Variants in PARP8 observed in about 807,000 individuals in gnomAD.
The protein encoded by PARP8 is protein mono-ADP-ribosyltransferase PARP8.
In PARP8, 51 loss-of-function variants were observed where a neutral mutation model predicts 124.1. The ratio of observed to expected loss-of-function variants is 0.41; its 90% CI spans 0.33 to 0.52. The LOEUF (loss-of-function observed/expected upper bound fraction) is 0.52. Among genes scored for constraint, PARP8 ranks in the 20% least tolerant of loss-of-function variants. PARP8 has a pLI of 0.21. For missense variants in PARP8, 860 were observed against 1,018.9 expected (o/e 0.84, Z 2.12); for synonymous variants, 391 against 361.5 (o/e 1.08, Z -0.93).
At chr5:50,760,423 G>T in intron 5 of PARP8, 61 bp downstream of exon 5, 2 of 1,219,484 alleles carry the variant, frequency 1.6e-6, no homozygotes, top group Non-Finnish European at 1.1e-6. Flanking sequence ...AATTTACTGG[G>T]TTTTTGTAGT....
At chr5:50,689,955 C>G (rs1361453087) in intron 2 of PARP8, among the ~76,000 whole-genome samples, 1 of 152,216 alleles carries the variant, frequency 6.6e-6, no homozygotes, top group East Asian at 1.9e-4. Flanking sequence ...ATTCTTGGTT[C>G]CTACTCAACA....
intron 14 of PARP8, among the ~76,000 whole-genome samples, chr5:50,811,601 T>C (rs943991090): frequency 1.3e-5 from 2 of 152,180 alleles, no homozygotes; most frequent in Non-Finnish European, 2.9e-5. Context: ...GGGTGTTTTT[T>C]TTTTATTCTT....
chr5:50,684,996 C>T (rs1579947042), intron 2 of PARP8, among the ~76,000 whole-genome samples: 1 of 152,238 alleles, frequency 6.6e-6, no homozygotes, highest in Non-Finnish European at 1.5e-5. Flanking sequence ...GACTACTTCA[C>T]TGTAAAGCTC....
At chr5:50,836,541 T>C (rs1305051644) in intron 25 of PARP8, among the ~76,000 whole-genome samples, 1 of 56,416 alleles carries the variant, frequency 1.8e-5, no homozygotes, top group East Asian at 5.4e-4. Flanking sequence ...GGAAGCCCCA[T>C]TGGCCAAAGC....
intron 2 of PARP8, among the ~76,000 whole-genome samples, chr5:50,747,167 T>G (rs1323185859): frequency 7.0e-6 from 1 of 143,252 alleles, no homozygotes; most frequent in East Asian, 2.0e-4. Flanking sequence ...TGTTTTGTTT[T>G]TTTTTTTTTT....
intron 2 of PARP8, among the ~76,000 whole-genome samples, chr5:50,683,857 T>C (rs894266227): frequency 3.9e-5 from 6 of 152,220 alleles, no homozygotes; most frequent in Non-Finnish European, 7.4e-5. Flanking sequence ...TGTGAAAATA[T>C]AGCTAAGTAG....
At chr5:50,682,884 T>C (rs1751446308) in intron 2 of PARP8, among the ~76,000 whole-genome samples, 1 of 152,158 alleles carries the variant, frequency 6.6e-6, no homozygotes, top group South Asian at 2.1e-4. Context: ...TTAACGTTTT[T>C]TCCCCCCTTC....
At chr5:50,672,468 C>G (rs1311800675) in intron 2 of PARP8, among the ~76,000 whole-genome samples, 3 of 152,172 alleles carry the variant, frequency 2.0e-5, no homozygotes, top group Non-Finnish European at 4.4e-5. Context: ...ACTTCAGGGT[C>G]CCCAATCTGG....
chr5:50,814,583 C>T (rs1580434300), intron 14 of PARP8, among the ~76,000 whole-genome samples: 1 of 152,002 alleles, frequency 6.6e-6, no homozygotes, highest in South Asian at 2.1e-4. Context: ...ATCTATAAAG[C>T]CATGCATATG....
intron 2 of PARP8, among the ~76,000 whole-genome samples, chr5:50,725,682 G>A (rs1279130387): frequency 3.3e-5 from 5 of 152,090 alleles, no homozygotes; most frequent in African/African-American, 4.8e-5. Flanking sequence ...TTTTTCCATG[G>A]CAAACGGTTT....
Position 50,681,910 on chromosome 5 carries a change from G to C in PARP8, c.146+13785G>C, listed in dbSNP as rs139259633. Reference sequence around the variant, plus strand: ...GAATGGAAATAAAATAATCAAGCTTGTTAGAATTGTGTTCATGATGACACA... The same window carrying C: ...GAATGGAAATAAAATAATCAAGCTTCTTAGAATTGTGTTCATGATGACACA... On this transcript the variant is annotated intron_variant, in intron 2 of 25. Transcript: ENST00000281631. Among the ~76,000 whole-genome samples, 763 of 152,226 alleles carry C rather than the reference G, an allele frequency of 5.0e-3. 6 individuals are homozygous for C. Among genetic ancestry groups the C allele is most frequent in the Middle Eastern group, 6.8e-3 (2 of 294 alleles).
At chr5:50,835,794 TAA>T (rs1284154122) in intron 25 of PARP8, among the ~76,000 whole-genome samples, 1 of 152,122 alleles carries the variant, frequency 6.6e-6, no homozygotes, top group African/African-American at 2.4e-5. Flanking sequence ...AGCTGTATCA[TAA>T]GAGTTGCATT....
At position 50,844,510 on chromosome 5, in the gene PARP8, TATC is replaced by T. The variant is rs1313523279; in HGVS notation, c.*2445_*2447del. The T allele has an allele frequency of 2.7e-4, 41 of 151,984 alleles. No individual in the cohort carries two copies. The highest frequency in any genetic ancestry group is 7.2e-4 in the Admixed American group (11 of 15,224). 9.4% of individuals were successfully genotyped at this position (151,984 alleles called of 1,614,324 possible). A position where few individuals can be genotyped will look rare whatever the true frequency, so the allele number is the denominator to read the frequency against. On this transcript the variant is annotated 3_prime_UTR_variant, in exon 26 of 26. Transcript: ENST00000281631. ...TACAATTTAGAGATTTGAACACTGTTATCATGCTTTAATTCAGTCATTCATTAA... is the reference window on the plus strand; with the variant it reads ...TACAATTTAGAGATTTGAACACTGTTATGCTTTAATTCAGTCATTCATTAA...
At chr5:50,766,901 C>T (rs971374227) in intron 7 of PARP8, among the ~76,000 whole-genome samples, 4 of 152,172 alleles carry the variant, frequency 2.6e-5, no homozygotes, top group African/African-American at 9.7e-5. Context: ...ATGCATACCT[C>T]AGAATGCACT....
intron 3 of PARP8, among the ~76,000 whole-genome samples, chr5:50,750,706 G>A (rs1430275431): frequency 1.3e-5 from 2 of 151,976 alleles, no homozygotes; most frequent in Admixed American, 6.6e-5. Flanking sequence ...CATTTTATAA[G>A]ATCGTTACAT....
chr5:50,763,061 T>G (rs1413520193), intron 6 of PARP8, 87 bp from the exon 7 acceptor site: 1 of 943,996 alleles, frequency 1.1e-6, no homozygotes, highest in Non-Finnish European at 1.7e-6. Flanking sequence ...CATGGCAAAA[T>G]GCACAGGGAG....
In PARP8 at chr5:50,795,263, A is replaced by C; in HGVS notation, c.1274A>C (p.Asn425Thr). ...ATGGAAGAATTATATGGACTGAAAA[A>C]TCACAAATTGCTCAGCAAGTCCTAC... ...LRMEELYGLK[N>T]HKLLSKSYSS... is the part of the protein sequence containing the mutation. The change falls in exon 12 of 26, where the codon AAT becomes ACT. Residue 425 changes from asparagine (N) to threonine (T), a missense_variant. By Grantham distance (65) the Asn-to-Thr change is moderately conservative. Transcript: ENST00000281631. 6.2e-7 allele frequency: 1 copy of C among 1,614,176 alleles called. No individual in the cohort carries two copies. The highest frequency in any genetic ancestry group is 8.5e-7 in the Non-Finnish European group (1 of 1,180,026).
chr5:50,708,675 A>G (rs1235997787), intron 2 of PARP8, among the ~76,000 whole-genome samples: 6 of 148,684 alleles, frequency 4.0e-5, no homozygotes, highest in African/African-American at 1.6e-4. Context: ...GAAATTTCAC[A>G]TTGATATGGC....
In PARP8 at chr5:50,845,892, G is replaced by A. The variant is rs959413661; in HGVS notation, c.*3824G>A. On this transcript the variant is annotated 3_prime_UTR_variant, in exon 26 of 26. Coordinates refer to ENST00000281631, the MANE Select transcript of PARP8 (RefSeq NM_024615.4). ...TTTAATGCCTGCTAAATTTTTGTCC[G>A]ATTATATATAGATTTGATGTATATT... 6.6e-6 allele frequency: 1 copy of A among 151,692 alleles called. No individual in the cohort carries two copies. Among genetic ancestry groups the A allele is most frequent in the African/African-American group, 2.4e-5 (1 of 41,360 alleles). 9.4% of individuals were successfully genotyped at this position (151,692 alleles called of 1,614,324 possible).
Sources: allele counts gnomAD v4.1 joint callset (sites outside exome capture counted in the v4.1 genomes callset), GRCh38; gene constraint gnomAD v4.1.1; transcripts MANE v1.5; gene names NCBI Gene and HGNC (gene_info 2026-07-23, HGNC 2026-07-21).